SMAD2: variants seen among roughly 807,000 people sequenced by gnomAD.
The protein encoded by SMAD2 is MAD homolog 2.
SMAD2 carries 8 observed loss-of-function variants against 64.4 expected under a neutral mutation model. The observed-to-expected ratio is 0.12, with a 90% CI of 0.07 to 0.22. SMAD2 has a LOEUF of 0.22. Among genes scored for constraint, SMAD2 ranks in the 10% least tolerant of loss-of-function variants. SMAD2 has a pLI of 1.00. For missense variants in SMAD2, 289 were observed against 561.2 expected (o/e 0.51, Z 4.90); for synonymous variants, 203 against 195.8 (o/e 1.04, Z -0.31).
At chr18:47,853,995 G>A (rs988876294) in intron 6 of SMAD2, among the ~76,000 whole-genome samples, 1 of 151,828 alleles carries the variant, frequency 6.6e-6, no homozygotes, top group African/African-American at 2.4e-5. Flanking sequence ...TAAATTAACA[G>A]GCGTTCAGTC....
intron 2 of SMAD2, among the ~76,000 whole-genome samples, chr18:47,891,799 CAAG>C (rs796990972): frequency 1.7e-4 from 26 of 151,864 alleles, no homozygotes; most frequent in African/African-American, 4.8e-4. Flanking sequence ...AGAAAAAAGA[CAAG>C]AATAGTCTTG....
At chr18:47,904,135 G>A (rs984672262) in intron 1 of SMAD2, among the ~76,000 whole-genome samples, 15 of 151,672 alleles carry the variant, frequency 9.9e-5, no homozygotes, top group Non-Finnish European at 2.2e-4. Flanking sequence ...GTCCTCGATA[G>A]AAAGAGAATC....
intron 1 of SMAD2, chr18:47,922,513 TAAC>T (rs1462786580): frequency 1.3e-5 from 2 of 152,206 alleles, no homozygotes; most frequent in African/African-American, 4.8e-5. Flanking sequence ...ATTTAAAGAA[TAAC>T]AATAAAATGT....
intron 5 of SMAD2, among the ~76,000 whole-genome samples, chr18:47,865,517 G>A (rs945998436): frequency 2.0e-5 from 3 of 152,026 alleles, no homozygotes; most frequent in Non-Finnish European, 4.4e-5. Context: ...AATGAACATC[G>A]TTATTTTATG....
chr18:47,834,645 C>CTTAT lies in SMAD2; in HGVS notation c.*7181_*7182insATAA, dbSNP rs58732602. 215,507 of 216,416 alleles carry CTTAT rather than the reference C, an allele frequency of 1. 107,304 individuals are homozygous for CTTAT. Among genetic ancestry groups the CTTAT allele is most frequent in the Non-Finnish European group, 1 (107,520 of 107,524 alleles). 13.4% of individuals were successfully genotyped at this position (216,416 alleles called of 1,614,324 possible). The stretch of plus-strand genomic sequence containing the variant: ...AAAAGGCTAGGAAGTCCAGAAATAC[C>CTTAT]TTAAACGTGTTAACTTTAAGAAGAG... On this transcript the variant is annotated 3_prime_UTR_variant, in exon 11 of 11. Coordinates refer to ENST00000262160, the MANE Select transcript of SMAD2 (RefSeq NM_005901.6).
At chr18:47,873,675 G>C (rs2032079758) in intron 2 of SMAD2, among the ~76,000 whole-genome samples, 1 of 152,096 alleles carries the variant, frequency 6.6e-6, no homozygotes, top group African/African-American at 2.4e-5. Context: ...GATAAACTCT[G>C]AACAAAATAA....
Position 47,816,608 on chromosome 18 carries a change from A to G in SMAD2, c.*25219T>C, listed in dbSNP as rs1193986658. 1 of 152,218 alleles carries G rather than the reference A, an allele frequency of 6.6e-6. No homozygotes were observed. Among genetic ancestry groups the G allele is most frequent in the Non-Finnish European group, 1.5e-5 (1 of 68,030 alleles). 9.4% of individuals were successfully genotyped at this position (152,218 alleles called of 1,614,324 possible). On this transcript the variant is annotated 3_prime_UTR_variant, in exon 11 of 11. Transcript: ENST00000262160. ...ACCCACAAAATACTTTTGCCTAGCC[A>G]CTGCCTGTCCAACTTCAGAGTGGCA...
At chr18:47,901,898 G>C (rs191715815) in intron 1 of SMAD2, among the ~76,000 whole-genome samples, 7 of 152,148 alleles carry the variant, frequency 4.6e-5, no homozygotes, top group African/African-American at 1.7e-4. Context: ...GTCTACGGGG[G>C]AAGAAACTGG....
At position 47,820,297 on chromosome 18, in the gene SMAD2, G is replaced by A. The variant is rs1912524580; in HGVS notation, c.*21530C>T. 6.6e-6 allele frequency: 1 copy of A among 151,918 alleles called. No individual in the cohort carries two copies. The highest frequency in any genetic ancestry group is 1.5e-5 in the Non-Finnish European group (1 of 68,006). 9.4% of individuals were successfully genotyped at this position (151,918 alleles called of 1,614,324 possible). A position where few individuals can be genotyped will look rare whatever the true frequency, so the allele number is the denominator to read the frequency against. On this transcript the variant is annotated 3_prime_UTR_variant, in exon 11 of 11. Transcript: ENST00000262160. ...TAACACTTCAAAATTTTGCTTCCTA[G>A]GTTTTCACTAAAAATTAAGGTTAAT... is the stretch of plus-strand genomic sequence containing the variant.
At chr18:47,908,465 A>C (rs1263158260) in intron 1 of SMAD2, among the ~76,000 whole-genome samples, 1 of 152,198 alleles carries the variant, frequency 6.6e-6, no homozygotes, top group East Asian at 1.9e-4. Context: ...TAGCCTAGAA[A>C]CACTGAAAAA....
chr18:47,904,564 G>A (rs901284438), intron 1 of SMAD2, among the ~76,000 whole-genome samples: 10 of 151,982 alleles, frequency 6.6e-5, no homozygotes, highest in Admixed American at 2.6e-4. Flanking sequence ...ACAACAAGCC[G>A]GCTTGGGCCC....
chr18:47,854,666 A>C (rs1330725730), intron 6 of SMAD2, among the ~76,000 whole-genome samples: 2 of 151,980 alleles, frequency 1.3e-5, no homozygotes, highest in Non-Finnish European at 2.9e-5. Context: ...AATCTGTTAT[A>C]TCTTTTAAGG....
intron 2 of SMAD2, among the ~76,000 whole-genome samples, chr18:47,879,018 C>T (rs1162137270): frequency 6.6e-6 from 1 of 152,134 alleles, no homozygotes; most frequent in South Asian, 2.1e-4. Flanking sequence ...CACCTATGCT[C>T]CTAGTATTCA....
chr18:47,857,090 C>T (rs911626378), intron 6 of SMAD2, among the ~76,000 whole-genome samples: 2 of 152,172 alleles, frequency 1.3e-5, no homozygotes, highest in Admixed American at 1.3e-4. Flanking sequence ...ATCTCCTGAC[C>T]TCGTGATCCG....
At chr18:47,905,735 T>C (rs2033876459) in intron 1 of SMAD2, among the ~76,000 whole-genome samples, 1 of 152,136 alleles carries the variant, frequency 6.6e-6, no homozygotes, top group Non-Finnish European at 1.5e-5. Flanking sequence ...CCATCTTCAA[T>C]GGGAAAGCAG....
intron 7 of SMAD2, among the ~76,000 whole-genome samples, chr18:47,851,072 C>G (rs928021830): frequency 8.7e-5 from 13 of 149,988 alleles, no homozygotes; most frequent in African/African-American, 3.2e-4. Flanking sequence ...CTTATATGTG[C>G]CAGCAGAAAA....
chr18:47,880,382 TGAAA>T (rs2032516333), intron 2 of SMAD2, among the ~76,000 whole-genome samples: 1 of 152,240 alleles, frequency 6.6e-6, no homozygotes, highest in Non-Finnish European at 1.5e-5. Context: ...CACCATTTGT[TGAAA>T]GACTTTCCTT....
In SMAD2 at chr18:47,838,296, T is replaced by C. The variant is rs1018258994; in HGVS notation, c.*3531A>G. On this transcript the variant is annotated 3_prime_UTR_variant, in exon 11 of 11. Coordinates refer to ENST00000262160, the MANE Select transcript of SMAD2 (RefSeq NM_005901.6). Reference sequence around the variant, plus strand: ...AAAATACAACTAGGTATTAAACAATTTGTAAAAACTTACAAAGAAAATTTA... The same window carrying C: ...AAAATACAACTAGGTATTAAACAATCTGTAAAAACTTACAAAGAAAATTTA... 8.6e-6 allele frequency: 2 copies of C among 233,206 alleles called. No homozygotes were observed. Among genetic ancestry groups the C allele is most frequent in the Non-Finnish European group, 1.7e-5 (2 of 117,976 alleles). The allele number at this position is 233,206 out of a possible 1,614,324, so 14.4% of individuals were successfully genotyped here. A position where few individuals can be genotyped will look rare whatever the true frequency, so the allele number is the denominator to read the frequency against.
intron 1 of SMAD2, among the ~76,000 whole-genome samples, chr18:47,910,250 C>T (rs1021602578): frequency 2.0e-5 from 3 of 151,502 alleles, no homozygotes; most frequent in African/African-American, 7.3e-5. Flanking sequence ...TAACAGACTC[C>T]ACACATCAGA....
Sources: gnomAD v4.1 joint callset for allele counts (sites outside exome capture counted in the v4.1 genomes callset) on GRCh38, gnomAD v4.1.1 for gene constraint, MANE v1.5 for transcripts, NCBI Gene and HGNC (gene_info 2026-07-23, HGNC 2026-07-21) for gene names.